Variants in JAKMIP2 observed in about 807,000 individuals in gnomAD.
The protein encoded by JAKMIP2 is janus kinase and microtubule-interacting protein 2.
In JAKMIP2, 25 loss-of-function variants were observed where a neutral mutation model predicts 115.0. The ratio of observed to expected loss-of-function variants is 0.22; its 90% CI spans 0.16 to 0.30. The LOEUF is 0.30. Ranked by LOEUF, JAKMIP2 falls within the 10% of genes least tolerant of loss-of-function variation. The pLI is 1.00. For synonymous variants in JAKMIP2, 334 were observed against 343.6 expected, an observed-to-expected ratio of 0.97 and a Z score of 0.31; for missense variants, 642 against 957.6, an observed-to-expected ratio of 0.67 and a Z score of 4.35.
At chr5:147,742,155 A>ATATATATAT in intron 1 of JAKMIP2, among the ~76,000 whole-genome samples, 7 of 108,902 alleles carry the variant, frequency 6.4e-5, no homozygotes, top group African/African-American at 2.6e-4. Flanking sequence ...ATATATATAT[A>ATATATATAT]TTTTTTTTAC....
rs768481105 is a variant in JAKMIP2 at position 147,627,678 on chromosome 5, T to TAAAAAA, written c.1995+1067_1995+1072dup. Among the ~76,000 whole-genome samples, 201 of 70,326 alleles carry TAAAAAA rather than the reference T, an allele frequency of 2.9e-3. 14 individuals are homozygous for TAAAAAA. Among genetic ancestry groups the TAAAAAA allele is most frequent in the African/African-American group, 0.011 (191 of 17,660 alleles). 46.1% of individuals were successfully genotyped at this position (70,326 alleles called of 152,430 possible). A position where few individuals can be genotyped will look rare whatever the true frequency, so the allele number is the denominator to read the frequency against. On this transcript the variant is annotated intron_variant, in intron 16 of 21. Transcript: ENST00000616793. ...ATCTCTAACAGATAAAGCCTTTCTG[T>TAAAAAA]AAAAAAAAAAAAAAAAAAAAAAAAA...
chr5:147,637,008 G>T lies in JAKMIP2; in HGVS notation c.1571C>A (p.Ala524Asp), dbSNP rs1167140338. 4.6e-6 allele frequency: 4 copies of T among 871,396 alleles called. No individual in the cohort carries two copies. In the African/African-American group the frequency reaches 6.5e-5, roughly 14 times the overall value. The allele number at this position is 871,396 out of a possible 1,614,324, so 54.0% of individuals were successfully genotyped here. A position where few individuals can be genotyped will look rare whatever the true frequency, so the allele number is the denominator to read the frequency against. Reference sequence around the variant, plus strand: ...AGTCGCTTCCAGGTCTTCAATTTTGGCTTTATACCTTAGCACCTCTGCTTG... The same window carrying T: ...AGTCGCTTCCAGGTCTTCAATTTTGTCTTTATACCTTAGCACCTCTGCTTG... Reference protein sequence around the residue: ...QLQAEVLRYKAKIEDLEATLA... With the variant: ...QLQAEVLRYKDKIEDLEATLA... The change falls in exon 11 of 22, where the codon GCC becomes GAC. Residue 524 changes from alanine (A) to aspartate (D), a missense_variant. By Grantham distance (126) the Ala-to-Asp change is moderately radical. Transcript: ENST00000616793.
intron 5 of JAKMIP2, among the ~76,000 whole-genome samples, chr5:147,647,147 C>T (rs1758172202): frequency 6.6e-6 from 1 of 152,030 alleles, no homozygotes; most frequent in African/African-American, 2.4e-5. Context: ...ATACAAAGTA[C>T]ATTCTCTGAC....
At chr5:147,715,708 T>C (rs1404114094) in intron 1 of JAKMIP2, among the ~76,000 whole-genome samples, 1 of 151,824 alleles carries the variant, frequency 6.6e-6, no homozygotes, top group East Asian at 1.9e-4. Flanking sequence ...AAGACCATAG[T>C]CGTAGTAGGA....
chr5:147,714,141 C>T (rs778130560), intron 1 of JAKMIP2, among the ~76,000 whole-genome samples: 2 of 152,072 alleles, frequency 1.3e-5, no homozygotes, highest in Non-Finnish European at 2.9e-5. Flanking sequence ...CCAGCAGAAC[C>T]AAAAGACAAC....
chr5:147,757,351 C>T (rs150884052), intron 1 of JAKMIP2, among the ~76,000 whole-genome samples: 349 of 152,236 alleles, frequency 2.3e-3, no homozygotes, highest in African/African-American at 8.1e-3. Context: ...AGAGCTGAGA[C>T]TGTGATGTGG....
chr5:147,727,252 T>C (rs1205525166), intron 1 of JAKMIP2, among the ~76,000 whole-genome samples: 6 of 152,254 alleles, frequency 3.9e-5, no homozygotes, highest in Non-Finnish European at 8.8e-5. Context: ...TTAAGCCTTA[T>C]TGGTTTCACC....
At chr5:147,682,286 G>A (rs941294532) in intron 1 of JAKMIP2, among the ~76,000 whole-genome samples, 2 of 152,168 alleles carry the variant, frequency 1.3e-5, no homozygotes, top group African/African-American at 2.4e-5. Context: ...GTAAGCAGTG[G>A]CAGATGGTAG....
intron 1 of JAKMIP2, among the ~76,000 whole-genome samples, chr5:147,751,253 G>GTTT (rs1362390681): frequency 7.6e-5 from 10 of 130,772 alleles, no homozygotes; most frequent in East Asian, 4.9e-4. Context: ...TTTTTTTGTT[G>GTTT]TTGTTTTTTT....
chr5:147,684,979 C>T (rs1760499306), intron 1 of JAKMIP2, among the ~76,000 whole-genome samples: 1 of 152,158 alleles, frequency 6.6e-6, no homozygotes, highest in African/African-American at 2.4e-5. Context: ...CTTTAGAGAG[C>T]ACTTAGTGTG....
intron 2 of JAKMIP2, among the ~76,000 whole-genome samples, chr5:147,670,278 TTAA>T (rs2126803387): frequency 6.6e-6 from 1 of 152,294 alleles, no homozygotes; most frequent in South Asian, 2.1e-4. Flanking sequence ...AAATTAAAAT[TTAA>T]TAATGATGTC....
chr5:147,729,910 T>C (rs756913728), intron 1 of JAKMIP2, among the ~76,000 whole-genome samples: 27 of 152,156 alleles, frequency 1.8e-4, no homozygotes, highest in Non-Finnish European at 3.2e-4. Flanking sequence ...TGAAGTCAGC[T>C]CAGCCTGGTT....
rs1408714569 is a variant in JAKMIP2, at chr5:147,734,549, T to C, written c.-149+47907A>G. 2.0e-5 allele frequency among the ~76,000 whole-genome samples: 3 copies of C among 152,002 alleles called. No individual in the cohort carries two copies. In the East Asian group the frequency reaches 5.8e-4, roughly 30 times the overall value. ...ACAGCATTAGGAGAAATACCTAATG[T>C]TGATGACGGGTTGATGGGTGCAGCA... On this transcript the variant is annotated intron_variant, in intron 1 of 21. Transcript: ENST00000616793.
At chr5:147,723,901 G>GA (rs1428402783) in intron 1 of JAKMIP2, among the ~76,000 whole-genome samples, 6 of 152,164 alleles carry the variant, frequency 3.9e-5, no homozygotes, top group Non-Finnish European at 8.8e-5. Context: ...TAACGTACCT[G>GA]AAAATACTGT....
At chr5:147,780,368 CA>C (rs527482069) in intron 1 of JAKMIP2, among the ~76,000 whole-genome samples, 7 of 151,690 alleles carry the variant, frequency 4.6e-5, no homozygotes, top group Admixed American at 4.6e-4. Context: ...AATGAAAACT[CA>C]AAAAAAAGAA....
intron 1 of JAKMIP2, among the ~76,000 whole-genome samples, chr5:147,745,056 CAAAAA>C (rs60275664): frequency 2.3e-5 from 2 of 88,404 alleles, no homozygotes; most frequent in African/African-American, 3.7e-5. Flanking sequence ...GACTCTGTCT[CAAAAA>C]AAAAAAAAAA....
intron 1 of JAKMIP2, among the ~76,000 whole-genome samples, chr5:147,765,783 A>G (rs533617073): frequency 2.0e-5 from 3 of 152,234 alleles, no homozygotes; most frequent in Admixed American, 2.0e-4. Flanking sequence ...TTATATTTTT[A>G]TATTTCCTTC....
intron 3 of JAKMIP2, among the ~76,000 whole-genome samples, chr5:147,654,288 A>G (rs1758557701): frequency 6.6e-6 from 1 of 151,540 alleles, no homozygotes; most frequent in South Asian, 2.1e-4. Flanking sequence ...GTGTTGATCT[A>G]TAAATTACTT....
intron 1 of JAKMIP2, among the ~76,000 whole-genome samples, chr5:147,754,685 C>T (rs1933493387): frequency 6.6e-6 from 1 of 152,052 alleles, no homozygotes; most frequent in Admixed American, 6.6e-5. Flanking sequence ...TCCTCACAAC[C>T]CAATTAAGAT....
Sources: allele counts gnomAD v4.1 joint callset (sites outside exome capture counted in the v4.1 genomes callset), GRCh38; gene constraint gnomAD v4.1.1; transcripts MANE v1.5; gene names NCBI Gene and HGNC (gene_info 2026-07-23, HGNC 2026-07-21).